RBMS3: variants seen among roughly 807,000 people sequenced by gnomAD.
The protein encoded by RBMS3 is RNA binding motif single stranded interacting protein 3.
In RBMS3, 27 loss-of-function variants were observed where a neutral mutation model predicts 66.8. The observed-to-expected ratio is 0.40, with a 90% CI of 0.30 to 0.56. The LOEUF (loss-of-function observed/expected upper bound fraction) is 0.56. Ranked by LOEUF, RBMS3 falls within the 20% of genes least tolerant of loss-of-function variation. The pLI is 0.40. For missense variants in RBMS3, 513 were observed against 549.5 expected (o/e 0.93, Z 0.66); for synonymous variants, 188 against 183.0 (o/e 1.03, Z -0.22).
intron 6 of RBMS3, among the ~76,000 whole-genome samples, chr3:29,853,844 T>C (rs1559739709): frequency 6.6e-6 from 1 of 152,116 alleles, no homozygotes; most frequent in Non-Finnish European, 1.5e-5. Context: ...CTTTGGGGTC[T>C]CCACCCCCTG....
chr3:29,880,641 G>A (rs1220191313), intron 7 of RBMS3: 7 of 714,834 alleles, frequency 9.8e-6, no homozygotes, highest in Admixed American at 2.2e-5. Context: ...GTATCCAAGT[G>A]TTAGTTATTG....
chr3:29,802,268 G>A (rs557039790), intron 6 of RBMS3, among the ~76,000 whole-genome samples: 6 of 152,104 alleles, frequency 3.9e-5, no homozygotes, highest in South Asian at 2.1e-4. Context: ...CTATCTGACC[G>A]GGCAGTGACA....
chr3:29,691,947 CTATT>C (rs1178391922), intron 4 of RBMS3, among the ~76,000 whole-genome samples: 6 of 53,540 alleles, frequency 1.1e-4, no homozygotes, highest in Non-Finnish European at 2.3e-4. Flanking sequence ...CTCTCTCTCT[CTATT>C]TTTTTTTTTT....
intron 6 of RBMS3, among the ~76,000 whole-genome samples, chr3:29,773,205 T>C (rs904420666): frequency 6.6e-6 from 1 of 152,002 alleles, no homozygotes; most frequent in African/African-American, 2.4e-5. Context: ...CCCCTACTCA[T>C]TGTCCCATGA....
At chr3:29,913,877 C>T (rs2060576149) in intron 10 of RBMS3, among the ~76,000 whole-genome samples, 1 of 151,824 alleles carries the variant, frequency 6.6e-6, no homozygotes, top group Admixed American at 6.6e-5. Flanking sequence ...TTACATGATA[C>T]ATGTCTAAAT....
chr3:29,693,861 T>C (rs1340797368), intron 4 of RBMS3, among the ~76,000 whole-genome samples: 5 of 152,210 alleles, frequency 3.3e-5, no homozygotes, highest in Non-Finnish European at 1.5e-5. Flanking sequence ...TTAGCTAGGT[T>C]GGAAATACTA....
At chr3:29,673,604 C>G (rs2051102214) in intron 4 of RBMS3, among the ~76,000 whole-genome samples, 1 of 151,984 alleles carries the variant, frequency 6.6e-6, no homozygotes, top group Non-Finnish European at 1.5e-5. Flanking sequence ...TACAAACTAC[C>G]ATCAGAGAAT....
intron 4 of RBMS3, among the ~76,000 whole-genome samples, chr3:29,665,161 A>G (rs1204479222): frequency 1.3e-5 from 2 of 152,174 alleles, no homozygotes; most frequent in Non-Finnish European, 2.9e-5. Flanking sequence ...AGATTTCTGA[A>G]AGATAAATAT....
At chr3:29,637,623 C>T (rs1368556221) in intron 4 of RBMS3, among the ~76,000 whole-genome samples, 1 of 151,910 alleles carries the variant, frequency 6.6e-6, no homozygotes, top group East Asian at 1.9e-4. Flanking sequence ...TATCATCAGG[C>T]AAGTTTAAGA....
chr3:29,928,950 G>A (rs953594224), intron 10 of RBMS3, among the ~76,000 whole-genome samples: 1 of 152,182 alleles, frequency 6.6e-6, no homozygotes, highest in African/African-American at 2.4e-5. Flanking sequence ...TTCACCCTTT[G>A]TCATTGAAGC....
chr3:29,331,930 C>G lies in RBMS3; in HGVS notation c.75+50174C>G, dbSNP rs1575560496. On this transcript the variant is annotated intron_variant, in intron 1 of 14. Coordinates refer to ENST00000383767, the MANE Select transcript of RBMS3 (RefSeq NM_001003793.3). ...TTAGAGCACAGGCCACATACTATGT[C>G]CAATTATAGAATTTGTCTCTCAAAC... 4.0e-5 allele frequency among the ~76,000 whole-genome samples: 6 copies of G among 148,528 alleles called. 1 individual carries two copies. In the Admixed American group the frequency reaches 4.1e-4, roughly 10 times the overall value.
chr3:29,510,602 A>G (rs2044358889), intron 3 of RBMS3, among the ~76,000 whole-genome samples: 1 of 152,030 alleles, frequency 6.6e-6, no homozygotes, highest in Non-Finnish European at 1.5e-5. Context: ...TTTGCATTCT[A>G]ATTGAGCATC....
chr3:29,385,613 T>C (rs1365762947), intron 1 of RBMS3, among the ~76,000 whole-genome samples: 1 of 152,162 alleles, frequency 6.6e-6, no homozygotes, highest in Non-Finnish European at 1.5e-5. Flanking sequence ...TTGGACTATG[T>C]GACTCACTAC....
intron 1 of RBMS3, among the ~76,000 whole-genome samples, chr3:29,297,979 T>C (rs866439543): frequency 1.3e-5 from 2 of 151,880 alleles, no homozygotes; most frequent in South Asian, 2.1e-4. Context: ...CAGCTTAGCA[T>C]TGAGCTTTCA....
At position 29,670,166 on chromosome 3, in the gene RBMS3, T is replaced by C. The variant is rs541088989; in HGVS notation, c.400-69554T>C. 1.2e-4 allele frequency among the ~76,000 whole-genome samples: 19 copies of C among 152,312 alleles called. No homozygotes were observed. In the South Asian group the frequency reaches 3.9e-3, roughly 32 times the overall value. On this transcript the variant is annotated intron_variant, in intron 4 of 14. Coordinates refer to ENST00000383767, the MANE Select transcript of RBMS3 (RefSeq NM_001003793.3). ...ACATAAAAGGCTAAACGGACCCTTA[T>C]TATGGGTTAAATGGCGTTCTCCCAA...
At chr3:29,883,903 A>C (rs1436698443) in intron 7 of RBMS3, among the ~76,000 whole-genome samples, 1 of 152,028 alleles carries the variant, frequency 6.6e-6, no homozygotes, top group Non-Finnish European at 1.5e-5. Flanking sequence ...TGTTTTAAGA[A>C]GTAAAAATGG....
intron 3 of RBMS3, among the ~76,000 whole-genome samples, chr3:29,542,512 C>A (rs528951643): frequency 2.2e-4 from 33 of 152,260 alleles, no homozygotes; most frequent in African/African-American, 7.5e-4. Context: ...AAGCACTTGC[C>A]GTCACACCTG....
intron 4 of RBMS3, among the ~76,000 whole-genome samples, chr3:29,674,893 GA>G (rs1317121631): frequency 6.6e-6 from 1 of 152,038 alleles, no homozygotes; most frequent in Non-Finnish European, 1.5e-5. Flanking sequence ...CACAGAATTG[GA>G]AAAAACTACT....
chr3:29,440,386 T>C (rs1056903549), intron 2 of RBMS3, among the ~76,000 whole-genome samples: 3 of 152,188 alleles, frequency 2.0e-5, no homozygotes, highest in African/African-American at 7.2e-5. Flanking sequence ...ATTGTTTTTC[T>C]ATTATAAAGT....
Sources: gnomAD v4.1 joint callset for allele counts (sites outside exome capture counted in the v4.1 genomes callset) on GRCh38, gnomAD v4.1.1 for gene constraint, MANE v1.5 for transcripts, NCBI Gene and HGNC (gene_info 2026-07-23, HGNC 2026-07-21) for gene names.